FRMD5: variants seen among roughly 807,000 people sequenced by gnomAD.
FRMD5 encodes FERM domain containing 5.
FRMD5 carries 20 observed loss-of-function variants against 69.0 expected under a neutral mutation model. The ratio of observed to expected loss-of-function variants is 0.29; its 90% CI spans 0.20 to 0.42. The LOEUF (loss-of-function observed/expected upper bound fraction) is 0.42, where lower values mean the gene tolerates loss of function less well. FRMD5 is among the 10% of genes least tolerant of loss of function. The pLI is 1.00. For synonymous variants in FRMD5, 271 were observed against 260.1 expected, an observed-to-expected ratio of 1.04 and a Z score of -0.40; for missense variants, 595 against 708.6, an observed-to-expected ratio of 0.84 and a Z score of 1.82.
intron 1 of FRMD5, among the ~76,000 whole-genome samples, chr15:44,025,772 G>A (rs951248658): frequency 1.3e-5 from 2 of 152,182 alleles, no homozygotes; most frequent in Non-Finnish European, 2.9e-5. Context: ...AATGACAGGT[G>A]AGGAGCCTAC....
At chr15:43,977,528 G>T (rs1290721779) in intron 1 of FRMD5, among the ~76,000 whole-genome samples, 1 of 152,028 alleles carries the variant, frequency 6.6e-6, no homozygotes, top group Non-Finnish European at 1.5e-5. Flanking sequence ...GTTCCGTTAT[G>T]GTGGTCTGAG....
chr15:43,917,443 T>TGTCACACA (rs2140435129), intron 4 of FRMD5, among the ~76,000 whole-genome samples: 1 of 152,122 alleles, frequency 6.6e-6, no homozygotes, highest in East Asian at 1.9e-4. Flanking sequence ...CAGGCTGGAG[T>TGTCACACA]GTAATGCCGC....
intron 1 of FRMD5, among the ~76,000 whole-genome samples, chr15:43,934,178 T>C (rs963097665): frequency 5.9e-5 from 9 of 152,174 alleles, no homozygotes; most frequent in African/African-American, 2.2e-4. Flanking sequence ...GTATAGGAAA[T>C]ATGCTCTGAG....
chr15:43,920,226 TC>T (rs1426659178), intron 2 of FRMD5, among the ~76,000 whole-genome samples: 1 of 152,196 alleles, frequency 6.6e-6, no homozygotes, highest in Admixed American at 6.5e-5. Context: ...TTTTTTTTCT[TC>T]TTTTTTTGGC....
chr15:43,997,033 C>T (rs1889964949), intron 1 of FRMD5, among the ~76,000 whole-genome samples: 1 of 152,018 alleles, frequency 6.6e-6, no homozygotes, highest in Non-Finnish European at 1.5e-5. Flanking sequence ...CTAGAATGTA[C>T]AAACACAAAT....
chr15:44,087,258 A>C (rs1436054178), intron 1 of FRMD5, among the ~76,000 whole-genome samples: 3 of 152,090 alleles, frequency 2.0e-5, no homozygotes, highest in East Asian at 1.9e-4. Flanking sequence ...GACTTCAGGT[A>C]ATCCACCCCG....
chr15:43,904,780 C>CA (rs920286334), intron 6 of FRMD5, among the ~76,000 whole-genome samples: 123 of 152,288 alleles, frequency 8.1e-4, no homozygotes, highest in African/African-American at 2.8e-3. Flanking sequence ...TTTTTAAAAT[C>CA]AGGCTTTGTA....
intron 10 of FRMD5, among the ~76,000 whole-genome samples, chr15:43,886,954 C>T (rs1263574657): frequency 6.6e-6 from 1 of 150,402 alleles, no homozygotes; most frequent in African/African-American, 2.5e-5. Context: ...TGGGTGCAGG[C>T]AGGGCTGGGT....
chr15:44,165,193 C>T (rs372511249), intron 1 of FRMD5, among the ~76,000 whole-genome samples: 1 of 151,966 alleles, frequency 6.6e-6, no homozygotes, highest in South Asian at 2.1e-4. Context: ...CCAAGGCAGG[C>T]GGATCACCTG....
intron 1 of FRMD5, among the ~76,000 whole-genome samples, chr15:43,968,467 T>G (rs574298208): frequency 6.6e-6 from 1 of 152,340 alleles, no homozygotes; most frequent in Admixed American, 6.5e-5. Flanking sequence ...CCTGGGAATT[T>G]CATTTTTTTC....
intron 10 of FRMD5, among the ~76,000 whole-genome samples, chr15:43,887,680 T>A (rs2088696044): frequency 6.6e-6 from 1 of 152,140 alleles, no homozygotes; most frequent in African/African-American, 2.4e-5. Context: ...GTGCCACTCA[T>A]CCCAGAGCAG....
At chr15:44,160,829 A>G (rs1361450401) in intron 1 of FRMD5, among the ~76,000 whole-genome samples, 1 of 152,118 alleles carries the variant, frequency 6.6e-6, no homozygotes, top group African/African-American at 2.4e-5. Flanking sequence ...TTCCCTTTAG[A>G]TTTTTGTTTA....
At chr15:44,149,456 C>G (rs1158601740) in intron 1 of FRMD5, among the ~76,000 whole-genome samples, 5 of 151,926 alleles carry the variant, frequency 3.3e-5, no homozygotes, top group Non-Finnish European at 7.4e-5. Flanking sequence ...GTTAAATGCT[C>G]CAATCAAAAG....
At chr15:43,913,263 T>G (rs2089322579) in intron 4 of FRMD5, among the ~76,000 whole-genome samples, 2 of 151,806 alleles carry the variant, frequency 1.3e-5, no homozygotes. Flanking sequence ...TGCAGGGAGG[T>G]TAAAGGCAAG....
chr15:43,949,696 G>T (rs958708518), intron 1 of FRMD5, among the ~76,000 whole-genome samples: 4 of 152,190 alleles, frequency 2.6e-5, no homozygotes, highest in Non-Finnish European at 5.9e-5. Context: ...ACTCCCCAGT[G>T]TCTTACAGGT....
intron 1 of FRMD5, among the ~76,000 whole-genome samples, chr15:44,129,899 G>T (rs868458478): frequency 4.6e-5 from 7 of 152,100 alleles, no homozygotes; most frequent in African/African-American, 1.7e-4. Context: ...GAACAAATGA[G>T]CCCCAGGCAA....
At chr15:44,005,582 C>G (rs959442913) in intron 1 of FRMD5, among the ~76,000 whole-genome samples, 1 of 151,514 alleles carries the variant, frequency 6.6e-6, no homozygotes, top group Non-Finnish European at 1.5e-5. Context: ...AATACAGCGG[C>G]TTCTATTTCT....
intron 1 of FRMD5, among the ~76,000 whole-genome samples, chr15:43,973,019 T>C (rs1160803972): frequency 5.4e-5 from 8 of 148,172 alleles, no homozygotes. Flanking sequence ...TATCCTTTTC[T>C]TGTTTTTCTT....
chr15:44,024,801 T>G (rs1385990363), intron 1 of FRMD5, among the ~76,000 whole-genome samples: 1 of 152,226 alleles, frequency 6.6e-6, no homozygotes, highest in African/African-American at 2.4e-5. Flanking sequence ...AATAAAAACA[T>G]CTACTTCATG....
Sources: gnomAD v4.1 joint callset for allele counts (sites outside exome capture counted in the v4.1 genomes callset) on GRCh38, gnomAD v4.1.1 for gene constraint, MANE v1.5 for transcripts, NCBI Gene and HGNC (gene_info 2026-07-23, HGNC 2026-07-21) for gene names.